Variants in PRELID2 observed in about 807,000 individuals in gnomAD.
The protein encoded by PRELID2 is PRELI domain containing 2.
In PRELID2, 25 loss-of-function variants were observed where a neutral mutation model predicts 28.4. The observed-to-expected ratio is 0.88, with a 90% CI of 0.64 to 1.23. The LOEUF (loss-of-function observed/expected upper bound fraction) is 1.23. PRELID2 is among the 50% of genes most tolerant of loss of function. The probability of loss-of-function intolerance (pLI) is 0.00; values close to 1 mark genes in which losing one functional copy is unlikely to be tolerated. For synonymous variants in PRELID2, 76 were observed against 71.6 expected, an observed-to-expected ratio of 1.06 and a Z score of -0.31; for missense variants, 201 against 214.4, an observed-to-expected ratio of 0.94 and a Z score of 0.39.
intron 4 of PRELID2, among the ~76,000 whole-genome samples, chr5:145,796,771 A>C (rs963223603): frequency 1.3e-5 from 2 of 152,154 alleles, no homozygotes; most frequent in Admixed American, 1.3e-4. Context: ...CATGCTGCAA[A>C]ATCTCTTTTT....
chr5:145,416,582 G>A, the PRELID2 span, among the ~76,000 whole-genome samples: 2 of 152,102 alleles, frequency 1.3e-5, no homozygotes, highest in Admixed American at 6.6e-5. Context: ...CAGAAATCAG[G>A]AAGTTCTTTG....
the PRELID2 span, among the ~76,000 whole-genome samples, chr5:145,309,871 C>T: frequency 6.6e-5 from 10 of 152,176 alleles, no homozygotes; most frequent in Non-Finnish European, 1.3e-4. Context: ...TATAAGAAAA[C>T]GGCTTCCCTT....
At chr5:145,409,357 T>C in the PRELID2 span, among the ~76,000 whole-genome samples, 13 of 152,248 alleles carry the variant, frequency 8.5e-5, no homozygotes, top group East Asian at 1.9e-4. Context: ...ATGAATAGAA[T>C]AGTACCTAAT....
the PRELID2 span, among the ~76,000 whole-genome samples, chr5:145,439,809 A>G: frequency 6.6e-6 from 1 of 151,846 alleles, no homozygotes; most frequent in African/African-American, 2.4e-5. Context: ...CTATCCTTCA[A>G]TCTCTGGTCT....
intron 1 of PRELID2, among the ~76,000 whole-genome samples, chr5:145,517,438 A>C (rs1322864772): frequency 1.3e-5 from 2 of 152,226 alleles, no homozygotes; most frequent in Non-Finnish European, 2.9e-5. Flanking sequence ...AACCACGATG[A>C]GATACCATCT....
chr5:145,482,545 C>T (rs372930881), intron 1 of PRELID2, among the ~76,000 whole-genome samples: 2 of 152,058 alleles, frequency 1.3e-5, no homozygotes, highest in East Asian at 1.9e-4. Flanking sequence ...CACACAGCAG[C>T]GGTCCCCAAC....
chr5:145,278,151 C>A, the PRELID2 span, among the ~76,000 whole-genome samples: 1 of 152,154 alleles, frequency 6.6e-6, no homozygotes, highest in African/African-American at 2.4e-5. Context: ...AATCCTCACA[C>A]TTTTGTTCCC....
rs545668456 is a variant in PRELID2 at position 145,776,788 on chromosome 5, G to A, written c.475-11788C>T. 5.9e-5 allele frequency among the ~76,000 whole-genome samples: 9 copies of A among 152,286 alleles called. No homozygotes were observed. In the South Asian group the frequency reaches 1.7e-3, roughly 28 times the overall value. On this transcript the variant is annotated intron_variant, in intron 5 of 6. Transcript: ENST00000683046. ...TACTATTTCAGTTGCTAACTAAGTG[G>A]GGAGTGTTCTTGGTTAATCCCTAGG...
chr5:145,407,748 A>C, the PRELID2 span, among the ~76,000 whole-genome samples: 1 of 152,186 alleles, frequency 6.6e-6, no homozygotes, highest in Non-Finnish European at 1.5e-5. Context: ...CCAACAAAGG[A>C]GAAAACAACA....
chr5:145,342,822 T>C, the PRELID2 span, among the ~76,000 whole-genome samples: 1 of 149,818 alleles, frequency 6.7e-6, no homozygotes, highest in Non-Finnish European at 1.5e-5. Flanking sequence ...TAGAAAAAGA[T>C]ATTCCATGCA....
At chr5:145,750,419 G>C (rs1277069177) in intron 1 of PRELID2, among the ~76,000 whole-genome samples, 2 of 151,930 alleles carry the variant, frequency 1.3e-5, no homozygotes, top group East Asian at 3.9e-4. Flanking sequence ...TTTAGCTGCT[G>C]GCTCCTAAGC....
chr5:145,486,817 A>T (rs1752222273), intron 1 of PRELID2, among the ~76,000 whole-genome samples: 1 of 151,698 alleles, frequency 6.6e-6, no homozygotes, highest in Non-Finnish European at 1.5e-5. Context: ...CATTATTCAC[A>T]ATAGCAAAGA....
chr5:145,669,983 CA>C (rs1754673630), intron 1 of PRELID2, among the ~76,000 whole-genome samples: 1 of 152,024 alleles, frequency 6.6e-6, no homozygotes, highest in African/African-American at 2.4e-5. Flanking sequence ...ACTCACTGAC[CA>C]GTTTCATTTT....
At chr5:145,560,928 A>C (rs1752920241) in intron 1 of PRELID2, among the ~76,000 whole-genome samples, 1 of 152,132 alleles carries the variant, frequency 6.6e-6, no homozygotes, top group African/African-American at 2.4e-5. Context: ...AATACAGAAC[A>C]GCTGTCTGTT....
At chr5:145,674,398 G>A (rs1414611860) in intron 1 of PRELID2, among the ~76,000 whole-genome samples, 2 of 152,020 alleles carry the variant, frequency 1.3e-5, no homozygotes, top group South Asian at 2.1e-4. Flanking sequence ...TGAAGAGACA[G>A]AAGGACAAAT....
chr5:145,786,915 T>G (rs995335008), intron 5 of PRELID2, among the ~76,000 whole-genome samples: 2 of 152,204 alleles, frequency 1.3e-5, no homozygotes, highest in Admixed American at 1.3e-4. Flanking sequence ...CTGTAGCATG[T>G]CTAGGCCAGA....
the PRELID2 span, among the ~76,000 whole-genome samples, chr5:145,319,447 T>C: frequency 2.6e-5 from 4 of 151,964 alleles, no homozygotes; most frequent in Non-Finnish European, 5.9e-5. Context: ...GGTGGGTGGA[T>C]TGCCTGAGGT....
At chr5:145,479,004 C>CA (rs559683680) in intron 1 of PRELID2, among the ~76,000 whole-genome samples, 48 of 152,290 alleles carry the variant, frequency 3.2e-4, no homozygotes, top group African/African-American at 1.1e-3. Context: ...CCTTCAGAAT[C>CA]AAGAAGATTG....
At chr5:145,627,758 A>G (rs1753872489) in intron 1 of PRELID2, among the ~76,000 whole-genome samples, 1 of 152,202 alleles carries the variant, frequency 6.6e-6, no homozygotes, top group South Asian at 2.1e-4. Context: ...CTCATCTCAC[A>G]TAGAATAAAA....
Sources: allele counts gnomAD v4.1 joint callset (sites outside exome capture counted in the v4.1 genomes callset), GRCh38; gene constraint gnomAD v4.1.1; transcripts MANE v1.5; gene names NCBI Gene and HGNC (gene_info 2026-07-23, HGNC 2026-07-21).